Variants in TUSC3 observed in about 807,000 individuals in gnomAD.
TUSC3 encodes tumor suppressor candidate 3, also known as dolichyl-diphosphooligosaccharide--protein glycosyltransferase subunit TUSC3.
A neutral mutation model predicts 44.8 loss-of-function variants in TUSC3; 45 were observed. The observed-to-expected ratio is 1.00, with a 90% CI of 0.79 to 1.29. The LOEUF is 1.29. TUSC3 is among the 50% of genes most tolerant of loss of function. The pLI is 0.00. For synonymous variants in TUSC3, 212 were observed against 152.9 expected, an observed-to-expected ratio of 1.39 and a Z score of -2.85; for missense variants, 519 against 437.9, an observed-to-expected ratio of 1.19 and a Z score of -1.65.
At chr8:15,447,401 C>T (rs1406088994) in intron 1 of TUSC3, among the ~76,000 whole-genome samples, 1 of 152,008 alleles carries the variant, frequency 6.6e-6, no homozygotes, top group African/African-American at 2.4e-5. Flanking sequence ...GAAGATGTGA[C>T]ATTAATGGAG....
chr8:15,805,420 G>C, the TUSC3 span, among the ~76,000 whole-genome samples: 1 of 152,114 alleles, frequency 6.6e-6, no homozygotes, highest in Non-Finnish European at 1.5e-5. Context: ...AGATCTTAGG[G>C]AAATGCATTC....
chr8:15,799,565 C>T, the TUSC3 span, among the ~76,000 whole-genome samples: 3 of 152,168 alleles, frequency 2.0e-5, no homozygotes, highest in South Asian at 2.1e-4. Flanking sequence ...AGTTTTTCCT[C>T]GTCAGTGGGC....
intron 6 of TUSC3, among the ~76,000 whole-genome samples, chr8:15,714,898 G>A (rs1337529039): frequency 6.6e-6 from 1 of 152,042 alleles, no homozygotes; most frequent in Non-Finnish European, 1.5e-5. Flanking sequence ...TCTCTTGGTA[G>A]GATTTCTTCC....
chr8:15,739,351 A>T (rs944356240), intron 7 of TUSC3, among the ~76,000 whole-genome samples: 1 of 152,144 alleles, frequency 6.6e-6, no homozygotes, highest in East Asian at 1.9e-4. Flanking sequence ...GTTCATGAGC[A>T]TACTTCTGGC....
At chr8:15,788,701 T>C in the TUSC3 span, among the ~76,000 whole-genome samples, 1 of 152,114 alleles carries the variant, frequency 6.6e-6, no homozygotes, top group East Asian at 1.9e-4. Context: ...CTGCAGCCTT[T>C]TATTTCATCA....
chr8:15,809,918 A>G, the TUSC3 span, among the ~76,000 whole-genome samples: 1 of 152,200 alleles, frequency 6.6e-6, no homozygotes, highest in Non-Finnish European at 1.5e-5. Flanking sequence ...AAACTCTAAT[A>G]TGCATACAAA....
intron 5 of TUSC3, among the ~76,000 whole-genome samples, chr8:15,662,559 A>G (rs964677191): frequency 4.6e-5 from 7 of 151,998 alleles, no homozygotes; most frequent in African/African-American, 1.2e-4. Context: ...ATCTAGAAAT[A>G]TGGTAAGACT....
chr8:15,846,323 G>C, the TUSC3 span, among the ~76,000 whole-genome samples: 1 of 152,054 alleles, frequency 6.6e-6, no homozygotes, highest in Admixed American at 6.5e-5. Context: ...CTTAAGAATG[G>C]TAAACACCAG....
At chr8:15,680,462 A>T (rs1304168193) in intron 6 of TUSC3, among the ~76,000 whole-genome samples, 3 of 152,066 alleles carry the variant, frequency 2.0e-5, no homozygotes, top group African/African-American at 7.2e-5. Context: ...CTGAAACTTT[A>T]CTGAAATCGT....
the TUSC3 span, among the ~76,000 whole-genome samples, chr8:15,779,746 ATTATATG>A: frequency 6.6e-6 from 1 of 152,336 alleles, no homozygotes; most frequent in Admixed American, 6.5e-5. Flanking sequence ...AAAAGTCATC[ATTATATG>A]TTTTACCATA....
the TUSC3 span, among the ~76,000 whole-genome samples, chr8:15,789,844 G>C: frequency 6.6e-6 from 1 of 152,290 alleles, no homozygotes; most frequent in African/African-American, 2.4e-5. Flanking sequence ...GGTACGGAAA[G>C]AAGACACCCA....
At chr8:15,485,958 T>C (rs1800727711) in intron 2 of TUSC3, among the ~76,000 whole-genome samples, 1 of 151,654 alleles carries the variant, frequency 6.6e-6, no homozygotes, top group South Asian at 2.1e-4. Context: ...GCCCGGCTTA[T>C]TTTTTTTGTA....
intron 1 of TUSC3, among the ~76,000 whole-genome samples, chr8:15,440,669 A>C (rs1800009023): frequency 6.6e-6 from 1 of 152,190 alleles, no homozygotes; most frequent in African/African-American, 2.4e-5. Context: ...ACAATGCTAC[A>C]AAAAATATAT....
At chr8:15,482,408 C>G (rs1435535166) in intron 1 of TUSC3, among the ~76,000 whole-genome samples, 2 of 152,160 alleles carry the variant, frequency 1.3e-5, no homozygotes, top group Admixed American at 6.5e-5. Flanking sequence ...ATACTTTGCT[C>G]AGATCCATCA....
intron 1 of TUSC3, among the ~76,000 whole-genome samples, chr8:15,614,797 C>G (rs990814286): frequency 6.6e-6 from 1 of 151,966 alleles, no homozygotes; most frequent in Non-Finnish European, 1.5e-5. Context: ...GATTATTATT[C>G]TTTTTTGCTA....
At chr8:15,699,522 A>G (rs1809307797) in intron 6 of TUSC3, among the ~76,000 whole-genome samples, 1 of 152,224 alleles carries the variant, frequency 6.6e-6, no homozygotes, top group Non-Finnish European at 1.5e-5. Flanking sequence ...GATGTAATTG[A>G]TGTGACTTTT....
At chr8:15,577,711 C>T (rs1803169978) in intron 1 of TUSC3, among the ~76,000 whole-genome samples, 1 of 143,834 alleles carries the variant, frequency 7.0e-6, no homozygotes, top group South Asian at 2.4e-4. Flanking sequence ...GTTTTGGTTA[C>T]TGTAGCCTTG....
intron 2 of TUSC3, among the ~76,000 whole-genome samples, chr8:15,640,956 G>T (rs1223443535): frequency 6.6e-6 from 1 of 152,156 alleles, no homozygotes; most frequent in Non-Finnish European, 1.5e-5. Context: ...ACGAAGACTA[G>T]GAATTCATGA....
the TUSC3 span, among the ~76,000 whole-genome samples, chr8:15,829,443 G>A: frequency 0.028 from 4,219 of 151,970 alleles, 200 homozygotes; most frequent in African/African-American, 0.096. Flanking sequence ...TTCAATCTTT[G>A]CCAATCTGAT....
Sources: gnomAD v4.1 joint callset for allele counts (sites outside exome capture counted in the v4.1 genomes callset) on GRCh38, gnomAD v4.1.1 for gene constraint, MANE v1.5 for transcripts, NCBI Gene and HGNC (gene_info 2026-07-23, HGNC 2026-07-21) for gene names.